THADA: variants seen among roughly 807,000 people sequenced by gnomAD.
THADA encodes tRNA (32-2'-O)-methyltransferase regulator THADA.
THADA carries 213 observed loss-of-function variants against 219.8 expected under a neutral mutation model. The ratio of observed to expected loss-of-function variants is 0.97; its 90% confidence interval spans 0.87 to 1.09. The LOEUF is 1.09. Among genes scored for constraint, THADA ranks in the 50% least tolerant of loss-of-function variants. THADA has a pLI of 0.00. For synonymous variants in THADA, 1,018 were observed against 828.9 expected, an observed-to-expected ratio of 1.23 and a Z score of -3.92; for missense variants, 2,956 against 2,311.3, an observed-to-expected ratio of 1.28 and a Z score of -5.72.
At chr2:43,400,476 T>TATATATATATATATATATATATAA (rs903186497) in intron 28 of THADA, among the ~76,000 whole-genome samples, 4 of 144,446 alleles carry the variant, frequency 2.8e-5, no homozygotes, top group Non-Finnish European at 4.6e-5. Flanking sequence ...TATATATATA[T>TATATATATATATATATATATATAA]AAATATATAC....
At chr2:43,586,480 T>C in intron 6 of THADA, 31 bp from the exon 7 acceptor site, 2 of 1,509,066 alleles carry the variant, frequency 1.3e-6, no homozygotes, top group Non-Finnish European at 1.8e-6. Context: ...CAAATAAGAA[T>C]TTAAAACTGT....
intron 28 of THADA, among the ~76,000 whole-genome samples, chr2:43,427,503 T>TTGTGTGTGTGTGTGTGTGTGTG (rs70963397): frequency 6.3e-4 from 88 of 140,630 alleles, no homozygotes; most frequent in Non-Finnish European, 8.4e-4. Context: ...CTCCCAAAGT[T>TTGTGTGTGTGTGTGTGTGTGTG]TGTGTGTGTG....
intron 29 of THADA, among the ~76,000 whole-genome samples, chr2:43,390,336 G>T (rs1673212032): frequency 1.3e-5 from 2 of 152,174 alleles, no homozygotes; most frequent in Admixed American, 1.3e-4. Flanking sequence ...TGCCCACTCT[G>T]TTGGCACTTT....
intron 28 of THADA, among the ~76,000 whole-genome samples, chr2:43,416,199 C>A (rs1318502339): frequency 2.0e-5 from 3 of 152,168 alleles, no homozygotes; most frequent in Non-Finnish European, 4.4e-5. Flanking sequence ...CAATGCTACC[C>A]ACACATCACC....
chr2:43,581,821 T>C lies in THADA; in HGVS notation c.641A>G (p.Asn214Ser). Residue 214 changes from asparagine to serine, a missense_variant, in exon 8 of 38, where the codon AAT (asparagine) becomes AGT (serine). Physicochemically the swap from Asn to Ser is conservative, Grantham distance 46. Transcript: ENST00000405975. ...LVQKVQDFQG[N>S]LWKTSDSPIW... The stretch of plus-strand genomic sequence containing the variant: ...GGGAGAATCGGAAGTCTTCCAAAGA[T>C]TTCCCTGGAAATCTTGTACTTTCTG... 1.2e-6 allele frequency: 2 copies of C among 1,612,916 alleles called. No homozygotes were observed. The highest frequency in any genetic ancestry group is 1.1e-5 in the South Asian group (1 of 90,878).
chr2:43,427,279 G>A (rs10202628), intron 28 of THADA, among the ~76,000 whole-genome samples: 9,231 of 152,164 alleles, frequency 0.061, 780 homozygotes, highest in African/African-American at 0.19. Flanking sequence ...GTGCTAGCCA[G>A]GCTCAACACA....
At chr2:43,565,799 T>C (rs767780762) in intron 15 of THADA, 5 of 152,206 alleles carry the variant, frequency 3.3e-5, no homozygotes, top group Non-Finnish European at 7.3e-5. Flanking sequence ...GAAAAAAGAA[T>C]CATTTCAGCA....
intron 36 of THADA, among the ~76,000 whole-genome samples, chr2:43,259,438 G>A (rs541644666): frequency 7.2e-5 from 11 of 152,344 alleles, no homozygotes; most frequent in African/African-American, 2.6e-4. Context: ...CTGACTGCAC[G>A]TCCTGCCAGT....
chr2:43,421,313 T>A (rs1677691269), intron 28 of THADA, among the ~76,000 whole-genome samples: 1 of 152,096 alleles, frequency 6.6e-6, no homozygotes, highest in Non-Finnish European at 1.5e-5. Context: ...GTTAGCAGAT[T>A]AGGATGGCTG....
intron 21 of THADA, among the ~76,000 whole-genome samples, chr2:43,533,333 A>AT (rs1694136977): frequency 6.6e-6 from 1 of 152,258 alleles, no homozygotes; most frequent in Non-Finnish European, 1.5e-5. Flanking sequence ...CAGTGTGGCG[A>AT]TTCCTCAAGG....
chr2:43,568,174 G>A (rs1028891726), intron 14 of THADA, among the ~76,000 whole-genome samples: 2 of 152,132 alleles, frequency 1.3e-5, no homozygotes, highest in African/African-American at 2.4e-5. Flanking sequence ...GTGGGGATAA[G>A]AATGTTATCT....
At chr2:43,255,177 G>A (rs1670177885) in intron 36 of THADA, among the ~76,000 whole-genome samples, 1 of 152,196 alleles carries the variant, frequency 6.6e-6, no homozygotes, top group African/African-American at 2.4e-5. Context: ...AGAGCAGAGG[G>A]ACGTACCACA....
intron 29 of THADA, among the ~76,000 whole-genome samples, chr2:43,366,793 G>T (rs1350193915): frequency 6.6e-6 from 1 of 152,118 alleles, no homozygotes; most frequent in African/African-American, 2.4e-5. Flanking sequence ...ATATCCCAAA[G>T]AATTGAAAGT....
Position 43,574,877 on chromosome 2 carries a change from G to A in THADA, c.1188C>T (p.Val396=). 2 of 1,613,976 alleles carry A rather than the reference G, an allele frequency of 1.2e-6. No individual in the cohort carries two copies. The highest frequency in any genetic ancestry group is 1.7e-4 in the Middle Eastern group (1 of 6,060). ...CCAATGGATGTTCCCAATGGGTATA[G>A]ACATATTCCAAAAGTCTCCCAACTA... ...SSIVGRLLEY[V]YTHWEHPLDA... is the part of the protein sequence containing the mutation. Residue 396 remains valine (V), a synonymous_variant, in exon 11 of 38, where the codon GTC becomes GTT. Coordinates refer to ENST00000405975, the MANE Select transcript of THADA (RefSeq NM_022065.5).
At position 43,508,841 on chromosome 2, in the gene THADA, T is replaced by C. The variant is rs565740266; in HGVS notation, c.3375-61A>G. 2.3e-4 allele frequency: 357 copies of C among 1,519,300 alleles called. 1 individual carries two copies. In the Admixed American group the frequency reaches 5.2e-3, roughly 22 times the overall value. 94.1% of individuals were successfully genotyped at this position (1,519,300 alleles called of 1,614,324 possible). On this transcript the variant is annotated intron_variant, in intron 22 of 37. Coordinates refer to ENST00000405975, the MANE Select transcript of THADA (RefSeq NM_022065.5). ...GTATCAAAGTTAAAAGTACAAACTA[T>C]TGATGCACATTTACACTGTTAGTAA...
chr2:43,253,576 A>T (rs935486906), intron 36 of THADA, among the ~76,000 whole-genome samples: 4 of 152,066 alleles, frequency 2.6e-5, no homozygotes, highest in Non-Finnish European at 4.4e-5. Context: ...GTTTCATGAC[A>T]ATGGAACCTC....
At chr2:43,567,985 C>G (rs1238349783) in intron 14 of THADA, among the ~76,000 whole-genome samples, 2 of 152,118 alleles carry the variant, frequency 1.3e-5, no homozygotes, top group African/African-American at 2.4e-5. Flanking sequence ...TGAGTTCTCC[C>G]TGTACTTTCT....
chr2:43,365,468 G>A (rs561199781), intron 29 of THADA, among the ~76,000 whole-genome samples: 1 of 151,948 alleles, frequency 6.6e-6, no homozygotes, highest in South Asian at 2.1e-4. Context: ...CTACTAGGGA[G>A]GCTGAGGCAG....
At chr2:43,462,735 T>G (rs1466040002) in intron 26 of THADA, among the ~76,000 whole-genome samples, 1 of 152,160 alleles carries the variant, frequency 6.6e-6, no homozygotes, top group African/African-American at 2.4e-5. Context: ...AAAGATGAAT[T>G]TGGCTTTCCG....
Sources: allele counts gnomAD v4.1 joint callset (sites outside exome capture counted in the v4.1 genomes callset), GRCh38; gene constraint gnomAD v4.1.1; transcripts MANE v1.5; gene names NCBI Gene and HGNC (gene_info 2026-07-23, HGNC 2026-07-21).